The following ATP8A2 variants were observed in gnomAD, a reference collection of about 807,000 sequenced individuals.
ATP8A2 encodes ATPase phospholipid transporting 8A2.
In ATP8A2, 100 loss-of-function variants were observed where a neutral mutation model predicts 165.6. The observed-to-expected ratio is 0.60, with a 90% CI of 0.51 to 0.71. The LOEUF (loss-of-function observed/expected upper bound fraction) is 0.71, where lower values mean the gene tolerates loss of function less well. Ranked by LOEUF, ATP8A2 falls within the 30% of genes least tolerant of loss-of-function variation. The pLI is 0.00. For missense variants in ATP8A2, 1,227 were observed against 1,479.5 expected (o/e 0.83, Z 2.80); for synonymous variants, 543 against 548.8 (o/e 0.99, Z 0.15).
intron 23 of ATP8A2, among the ~76,000 whole-genome samples, chr13:25,588,917 G>A (rs781370477): frequency 1.3e-5 from 2 of 152,118 alleles, no homozygotes; most frequent in Admixed American, 6.5e-5. Flanking sequence ...AGAGGCGCTC[G>A]GCTTGGTCCA....
intron 1 of ATP8A2, among the ~76,000 whole-genome samples, chr13:25,406,625 C>T (rs1410380605): frequency 6.6e-6 from 1 of 152,176 alleles, no homozygotes; most frequent in Non-Finnish European, 1.5e-5. Flanking sequence ...GAGGTGACAT[C>T]TGAGTCTAGC....
At chr13:25,702,613 C>T (rs867108530) in intron 25 of ATP8A2, among the ~76,000 whole-genome samples, 5 of 152,114 alleles carry the variant, frequency 3.3e-5, no homozygotes, top group African/African-American at 4.8e-5. Context: ...GGAGAGGAGA[C>T]GTGGCCTTTG....
chr13:25,787,567 AC>A (rs2045061581), intron 27 of ATP8A2, among the ~76,000 whole-genome samples: 1 of 152,238 alleles, frequency 6.6e-6, no homozygotes, highest in African/African-American at 2.4e-5. Flanking sequence ...CTTGGCAAAT[AC>A]CTTAAAAAAT....
At chr13:25,971,548 G>A (rs996505320) in intron 35 of ATP8A2, among the ~76,000 whole-genome samples, 4 of 151,848 alleles carry the variant, frequency 2.6e-5, no homozygotes, top group South Asian at 2.1e-4. Flanking sequence ...GCTGTTAACC[G>A]CACAGGAAAC....
chr13:25,528,724 ATATGCATACATATGCAACTTGTG>A (rs1221718082), intron 2 of ATP8A2, among the ~76,000 whole-genome samples: 2,559 of 151,348 alleles, frequency 0.017, 20 homozygotes, highest in African/African-American at 0.021. Flanking sequence ...GGTTTGTTAC[ATATGCATACATATGCAACTTGTG>A]TATGCATACA....
intron 27 of ATP8A2, among the ~76,000 whole-genome samples, chr13:25,789,012 A>C (rs2045100469): frequency 6.6e-6 from 1 of 152,206 alleles, no homozygotes; most frequent in African/African-American, 2.4e-5. Context: ...TTTAAAACTC[A>C]TGCCCCAGGG....
chr13:25,771,937 A>T (rs1361982036), intron 26 of ATP8A2, among the ~76,000 whole-genome samples: 2 of 152,128 alleles, frequency 1.3e-5, no homozygotes, highest in East Asian at 3.9e-4. Flanking sequence ...TTTAATGTGG[A>T]TGCATTTTTT....
chr13:25,570,503 G>C (rs921614719), intron 16 of ATP8A2, among the ~76,000 whole-genome samples: 1 of 152,150 alleles, frequency 6.6e-6, no homozygotes, highest in Non-Finnish European at 1.5e-5. Flanking sequence ...AGGCTCTTTC[G>C]TCTTTTCTCT....
chr13:25,886,576 T>C (rs1228513985), intron 33 of ATP8A2, among the ~76,000 whole-genome samples: 1 of 152,226 alleles, frequency 6.6e-6, no homozygotes, highest in Non-Finnish European at 1.5e-5. Flanking sequence ...TTTCACCCGC[T>C]CCATGTGCGC....
chr13:25,699,903 T>G (rs1274237882), intron 25 of ATP8A2, among the ~76,000 whole-genome samples: 1 of 151,320 alleles, frequency 6.6e-6, no homozygotes, highest in Admixed American at 6.6e-5. Context: ...GCTGGCTATG[T>G]GGAGGTCTAG....
chr13:25,977,778 G>A (rs1343354036), intron 35 of ATP8A2, among the ~76,000 whole-genome samples: 2 of 152,072 alleles, frequency 1.3e-5, no homozygotes, highest in Admixed American at 1.3e-4. Context: ...ATCTAATCAG[G>A]AGCTTAGCTA....
intron 25 of ATP8A2, among the ~76,000 whole-genome samples, chr13:25,744,344 C>T (rs984997204): frequency 1.3e-5 from 2 of 150,982 alleles, no homozygotes; most frequent in African/African-American, 2.5e-5. Flanking sequence ...TGTGTATGTG[C>T]GCCCTTCTCT....
intron 34 of ATP8A2, 121 bp from the exon 35 acceptor site, chr13:25,968,454 T>A (rs2139208210): frequency 1.3e-6 from 1 of 789,996 alleles, no homozygotes; most frequent in East Asian, 2.7e-5. Flanking sequence ...CTCCACCACT[T>A]CCCGAGCCTC....
chr13:25,840,155 A>T (rs1320376100), intron 30 of ATP8A2, among the ~76,000 whole-genome samples: 1 of 152,172 alleles, frequency 6.6e-6, no homozygotes, highest in East Asian at 1.9e-4. Context: ...CTAGAAGAGG[A>T]TGTCTGAGAA....
chr13:25,430,431 T>C (rs1387590840), intron 1 of ATP8A2, among the ~76,000 whole-genome samples: 1 of 152,118 alleles, frequency 6.6e-6, no homozygotes, highest in African/African-American at 2.4e-5. Context: ...GGAGTGGTTG[T>C]GCACGGCTGG....
chr13:25,559,183 A>G (rs2039069752), intron 14 of ATP8A2, 122 bp downstream of exon 14: 1 of 668,444 alleles, frequency 1.5e-6, no homozygotes, highest in Non-Finnish European at 2.5e-6. Flanking sequence ...AGTAGTTACT[A>G]TGGAATGTGT....
chr13:25,518,847 A>C (rs1039727264), intron 2 of ATP8A2, among the ~76,000 whole-genome samples: 1 of 152,164 alleles, frequency 6.6e-6, no homozygotes, highest in Non-Finnish European at 1.5e-5. Context: ...AGCGTGTCCA[A>C]CATACATGTA....
intron 1 of ATP8A2, among the ~76,000 whole-genome samples, chr13:25,451,193 T>C (rs950370739): frequency 1.3e-5 from 2 of 152,176 alleles, no homozygotes; most frequent in African/African-American, 4.8e-5. Context: ...TTCAAATTCA[T>C]GCATCCTTCC....
intron 8 of ATP8A2, among the ~76,000 whole-genome samples, chr13:25,541,486 G>A (rs1593496348): frequency 6.6e-6 from 1 of 152,172 alleles, no homozygotes; most frequent in African/African-American, 2.4e-5. Context: ...TTGCACCACT[G>A]CCCTCCAGCC....
Sources: gnomAD v4.1 joint callset for allele counts (sites outside exome capture counted in the v4.1 genomes callset) on GRCh38, gnomAD v4.1.1 for gene constraint, MANE v1.5 for transcripts, NCBI Gene and HGNC (gene_info 2026-07-23, HGNC 2026-07-21) for gene names.